The following ERAP1 variants were observed in gnomAD, a reference collection of about 807,000 sequenced individuals.
ERAP1 encodes the protein endoplasmic reticulum aminopeptidase 1.
ERAP1 carries 86 observed loss-of-function variants against 103.7 expected under a neutral mutation model. That is an observed-to-expected ratio of 0.83 (90% CI 0.70 to 0.99). ERAP1 has a LOEUF of 0.99. Ranked by LOEUF, ERAP1 falls within the 50% of genes least tolerant of loss-of-function variation. The pLI is 0.00. For missense variants in ERAP1, 1,009 were observed against 1,128.4 expected, an observed-to-expected ratio of 0.89 and a Z score of 1.52; for synonymous variants, 398 against 402.4, an observed-to-expected ratio of 0.99 and a Z score of 0.13.
the ERAP1 span, among the ~76,000 whole-genome samples, chr5:96,894,346 T>C: frequency 6.6e-6 from 1 of 152,210 alleles, no homozygotes; most frequent in Non-Finnish European, 1.5e-5. Context: ...TGTAAAGTAA[T>C]CTGAAGACTG....
At chr5:96,861,249 A>G in the ERAP1 span, among the ~76,000 whole-genome samples, 1 of 152,222 alleles carries the variant, frequency 6.6e-6, no homozygotes, top group Non-Finnish European at 1.5e-5. Context: ...AGCAGGTGGC[A>G]TCAGTGTGGG....
the ERAP1 span, among the ~76,000 whole-genome samples, chr5:96,822,694 A>G: frequency 7.0e-3 from 10 of 1,434 alleles, no homozygotes; most frequent in African/African-American, 0.029. Context: ...TTGGTAACAT[A>G]GCAAGACCCC....
At chr5:96,782,947 G>T in intron 15 of ERAP1, 104 bp downstream of exon 15, 1 of 1,106,808 alleles carries the variant, frequency 9.0e-7, no homozygotes. Context: ...GGGCAGCAGG[G>T]GAGACACTTA....
intron 1 of ERAP1, among the ~76,000 whole-genome samples, chr5:96,804,161 G>A (rs1778299706): frequency 6.6e-6 from 1 of 152,172 alleles, no homozygotes. Context: ...GTACTAGAAA[G>A]CATCATTTGA....
At chr5:96,854,384 A>C in the ERAP1 span, among the ~76,000 whole-genome samples, 1 of 152,176 alleles carries the variant, frequency 6.6e-6, no homozygotes, top group South Asian at 2.1e-4. Context: ...TTGGATGTAT[A>C]AATGAATCAC....
rs143293248 is a variant in ERAP1 at position 96,785,970 on chromosome 5, A to G, written c.1761T>C (p.Asp587=). 19 of 1,613,858 alleles carry G rather than the reference A, an allele frequency of 1.2e-5. No homozygotes were observed. The highest frequency in any genetic ancestry group is 1.5e-5 in the Non-Finnish European group (18 of 1,179,932). ...VHRFLLKTKT[D]VLILPEEVEW... is the part of the protein sequence containing the mutation. ...CCACCTCTTCTGGGAGGATGAGCAC[A>G]TCTAGAGTAAATAAAATAAATCAAA... is the stretch of plus-strand genomic sequence containing the variant. The change falls in exon 13 of 19, where the codon GAT becomes GAC. Residue 587 remains aspartate (D), a splice_region_variant and synonymous_variant. Transcript: ENST00000443439.
intron 15 of ERAP1, among the ~76,000 whole-genome samples, chr5:96,782,288 C>T (rs752028864): frequency 1.1e-4 from 16 of 152,080 alleles, no homozygotes; most frequent in Admixed American, 2.0e-4. Flanking sequence ...GGATTACAGG[C>T]GTGAGCCACC....
At chr5:96,917,539 C>T in the ERAP1 span, 1 of 1,611,760 alleles carries the variant, frequency 6.2e-7, no homozygotes, top group Non-Finnish European at 8.5e-7. Flanking sequence ...AAACGATAAC[C>T]AAAAATATAA....
At chr5:96,872,908 G>A in the ERAP1 span, among the ~76,000 whole-genome samples, 2,678 of 152,152 alleles carry the variant, frequency 0.018, 86 homozygotes, top group African/African-American at 0.061. Flanking sequence ...AGAAATTCTC[G>A]GCTGGGTGCG....
chr5:96,880,097 A>G, the ERAP1 span: 3 of 1,614,188 alleles, frequency 1.9e-6, no homozygotes, highest in East Asian at 4.5e-5. Context: ...AAAAGAACTG[A>G]AAGTTTTGAG....
chr5:96,797,148 C>A, intron 4 of ERAP1, 27 bp downstream of exon 4: 1 of 1,613,796 alleles, frequency 6.2e-7, no homozygotes, highest in South Asian at 1.1e-5. Flanking sequence ...ACAAGCTGGT[C>A]ACCATATGTG....
intron 2 of ERAP1, among the ~76,000 whole-genome samples, chr5:96,801,323 T>A (rs1777965229): frequency 6.6e-6 from 1 of 151,714 alleles, no homozygotes; most frequent in Non-Finnish European, 1.5e-5. Context: ...CCAGGCATGG[T>A]GGTGCAGGCC....
intron 19 of ERAP1, chr5:96,767,306 T>G (rs1280557517): frequency 1.5e-6 from 1 of 649,798 alleles, no homozygotes; most frequent in Non-Finnish European, 2.7e-6. Flanking sequence ...GGACTCAGGT[T>G]TATTAGTTAT....
At chr5:96,829,513 A>T in the ERAP1 span, among the ~76,000 whole-genome samples, 1 of 152,258 alleles carries the variant, frequency 6.6e-6, no homozygotes, top group African/African-American at 2.4e-5. Context: ...CTTTTGATCC[A>T]TGCTAATCCA....
At chr5:96,875,278 T>A in the ERAP1 span, among the ~76,000 whole-genome samples, 1 of 152,218 alleles carries the variant, frequency 6.6e-6, no homozygotes, top group East Asian at 1.9e-4. Flanking sequence ...CTCATGCCTG[T>A]AATCCCAATC....
At chr5:96,874,487 A>G in the ERAP1 span, among the ~76,000 whole-genome samples, 4 of 152,326 alleles carry the variant, frequency 2.6e-5, no homozygotes, top group African/African-American at 9.6e-5. Context: ...CTGCAGAGTT[A>G]GAGTCCGTAG....
At chr5:96,795,474 G>T (rs965202489) in intron 4 of ERAP1, among the ~76,000 whole-genome samples, 1 of 152,196 alleles carries the variant, frequency 6.6e-6, no homozygotes, top group Non-Finnish European at 1.5e-5. Context: ...GGAGAGCACT[G>T]CAGCCAGCTT....
At chr5:96,865,870 C>T in the ERAP1 span, among the ~76,000 whole-genome samples, 4 of 152,178 alleles carry the variant, frequency 2.6e-5, no homozygotes, top group African/African-American at 9.7e-5. Context: ...TACTGTCTTC[C>T]AAACCATGTT....
At chr5:96,872,272 G>A in the ERAP1 span, among the ~76,000 whole-genome samples, 3 of 151,266 alleles carry the variant, frequency 2.0e-5, no homozygotes, top group African/African-American at 7.3e-5. Context: ...CACTGCAGAG[G>A]TTGCAGTGAG....
Sources: gnomAD v4.1 joint callset for allele counts (sites outside exome capture counted in the v4.1 genomes callset) on GRCh38, gnomAD v4.1.1 for gene constraint, MANE v1.5 for transcripts, NCBI Gene and HGNC (gene_info 2026-07-23, HGNC 2026-07-21) for gene names.